The following PRR5L variants were observed in gnomAD, a reference collection of about 807,000 sequenced individuals.
PRR5L encodes the protein proline rich 5 like.
Under a neutral mutation model 36.4 loss-of-function variants are expected in PRR5L, and 21 were observed. That is an observed-to-expected ratio of 0.58 (90% CI 0.41 to 0.83). The LOEUF (loss-of-function observed/expected upper bound fraction) is 0.83, where lower values mean the gene tolerates loss of function less well. PRR5L is among the 40% of genes least tolerant of loss of function. The pLI, the probability that PRR5L is intolerant of heterozygous loss-of-function variation, is 0.00. For missense variants in PRR5L, 381 were observed against 473.3 expected (o/e 0.80, Z 1.81); for synonymous variants, 188 against 197.0 (o/e 0.95, Z 0.38).
intron 1 of PRR5L, among the ~76,000 whole-genome samples, chr11:36,342,038 G>A (rs760359212): frequency 4.6e-5 from 7 of 152,164 alleles, no homozygotes; most frequent in East Asian, 1.9e-4. Flanking sequence ...TCTGCATAAC[G>A]TCTTCAGCAA....
At chr11:36,449,412 G>A (rs933450326) in intron 7 of PRR5L, among the ~76,000 whole-genome samples, 3 of 152,140 alleles carry the variant, frequency 2.0e-5, no homozygotes, top group East Asian at 1.9e-4. Flanking sequence ...CTTTTCTGTC[G>A]CTCTTCCACA....
chr11:36,314,795 C>T (rs1264206166), intron 1 of PRR5L, among the ~76,000 whole-genome samples: 1 of 152,188 alleles, frequency 6.6e-6, no homozygotes, highest in African/African-American at 2.4e-5. Context: ...TCCAAATGTC[C>T]ATTCCCCATT....
At chr11:36,446,492 G>C (rs1032341779) in intron 7 of PRR5L, 52 bp downstream of exon 7, 48 of 1,602,556 alleles carry the variant, frequency 3.0e-5, no homozygotes, top group Non-Finnish European at 4.1e-5. Context: ...AGCGAGGGAA[G>C]AGATTGCCTT....
intron 1 of PRR5L, among the ~76,000 whole-genome samples, chr11:36,386,059 G>C (rs755075600): frequency 3.9e-5 from 6 of 152,184 alleles, no homozygotes; most frequent in Non-Finnish European, 7.3e-5. Flanking sequence ...ATTTTGAGAG[G>C]CCGCAATGGA....
intron 3 of PRR5L, among the ~76,000 whole-genome samples, chr11:36,413,092 C>A (rs956389363): frequency 6.6e-6 from 1 of 152,048 alleles, no homozygotes; most frequent in African/African-American, 2.4e-5. Context: ...TTTTCAGAAG[C>A]ATTCTTTCCT....
intron 1 of PRR5L, among the ~76,000 whole-genome samples, chr11:36,378,014 T>A (rs1857306979): frequency 6.6e-6 from 1 of 152,122 alleles, no homozygotes; most frequent in African/African-American, 2.4e-5. Context: ...AAGGGACCCT[T>A]GCTGATCAAG....
chr11:36,448,941 A>T (rs1858889414), intron 7 of PRR5L, among the ~76,000 whole-genome samples: 1 of 152,170 alleles, frequency 6.6e-6, no homozygotes, highest in Non-Finnish European at 1.5e-5. Context: ...TAGCCTTTCT[A>T]GGCAACTACT....
At chr11:36,339,418 A>G (rs188350342) in intron 1 of PRR5L, among the ~76,000 whole-genome samples, 167 of 152,334 alleles carry the variant, frequency 1.1e-3, no homozygotes, top group African/African-American at 4.0e-3. Flanking sequence ...TAAAACTTGT[A>G]TATATTAAGT....
At chr11:36,392,386 C>T (rs531222156) in intron 1 of PRR5L, among the ~76,000 whole-genome samples, 1 of 152,248 alleles carries the variant, frequency 6.6e-6, no homozygotes, top group East Asian at 1.9e-4. Context: ...TTTTGAGGTA[C>T]CTCCAAACTG....
chr11:36,399,284 TAA>T (rs943616905), intron 1 of PRR5L, among the ~76,000 whole-genome samples: 3 of 152,224 alleles, frequency 2.0e-5, no homozygotes, highest in African/African-American at 7.2e-5. Flanking sequence ...AAACAGGACA[TAA>T]GTCTGCTTTC....
At chr11:36,399,085 C>T (rs997128971) in intron 1 of PRR5L, among the ~76,000 whole-genome samples, 15 of 152,156 alleles carry the variant, frequency 9.9e-5, no homozygotes, top group African/African-American at 3.4e-4. Context: ...GAAGGACCTT[C>T]TGTGGCTTTA....
chr11:36,410,379 C>T (rs953102132), intron 3 of PRR5L, among the ~76,000 whole-genome samples: 6 of 152,124 alleles, frequency 3.9e-5, no homozygotes, highest in Non-Finnish European at 7.4e-5. Context: ...CCTTACAGTA[C>T]ACACTCACTT....
At chr11:36,397,187 C>A (rs1425668078) in intron 1 of PRR5L, among the ~76,000 whole-genome samples, 3 of 151,240 alleles carry the variant, frequency 2.0e-5, no homozygotes, top group Non-Finnish European at 2.9e-5. Context: ...CCTGTCTCAG[C>A]CTCCTGAGTA....
In PRR5L at chr11:36,323,050, C is replaced by T. The variant is rs536397631; in HGVS notation, c.-126+26612C>T. ...GCACACCTTGATTTCAGTGTTCCAG[C>T]CCCCATAACTGACAGAGGAGAAATT... On this transcript the variant is annotated intron_variant, in intron 1 of 8. Transcript: ENST00000530639. Among the ~76,000 whole-genome samples the T allele has an allele frequency of 2.6e-5, 4 of 152,244 alleles. No individual in the cohort carries two copies. In the East Asian group the frequency reaches 5.8e-4, roughly 22 times the overall value.
At chr11:36,350,986 A>ATC (rs1856930856) in intron 1 of PRR5L, among the ~76,000 whole-genome samples, 1 of 83,810 alleles carries the variant, frequency 1.2e-5, no homozygotes, top group African/African-American at 5.0e-5. Flanking sequence ...ATATTTATAT[A>ATC]TTTATATATT....
chr11:36,314,745 C>T (rs1327927290), intron 1 of PRR5L, among the ~76,000 whole-genome samples: 5 of 152,192 alleles, frequency 3.3e-5, no homozygotes, highest in South Asian at 2.1e-4. Flanking sequence ...TGTATGAAGA[C>T]GGCGCTTTCC....
intron 1 of PRR5L, among the ~76,000 whole-genome samples, chr11:36,399,620 G>A (rs1857747189): frequency 2.6e-5 from 4 of 152,208 alleles, no homozygotes; most frequent in Admixed American, 2.6e-4. Context: ...TTGGGACATA[G>A]CAGAGTTAGC....
intron 5 of PRR5L, 77 bp from the exon 6 acceptor site, chr11:36,437,308 G>A (rs1858624750): frequency 1.0e-6 from 1 of 979,840 alleles, no homozygotes. Flanking sequence ...ATGTGGAACT[G>A]TCTTCTGGCC....
intron 6 of PRR5L, among the ~76,000 whole-genome samples, chr11:36,439,273 C>T (rs958005249): frequency 1.3e-4 from 20 of 151,778 alleles, no homozygotes; most frequent in African/African-American, 4.8e-4. Context: ...CCAGATGGTT[C>T]TAGAATGGAG....
Sources: gnomAD v4.1 joint callset for allele counts (sites outside exome capture counted in the v4.1 genomes callset) on GRCh38, gnomAD v4.1.1 for gene constraint, MANE v1.5 for transcripts, NCBI Gene and HGNC (gene_info 2026-07-23, HGNC 2026-07-21) for gene names.